The following DDX10 variants were observed in gnomAD, a reference collection of about 807,000 sequenced individuals.
DDX10 encodes the protein probable ATP-dependent RNA helicase DDX10.
DDX10 carries 74 observed loss-of-function variants against 104.3 expected under a neutral mutation model. That is an observed-to-expected ratio of 0.71 (90% CI 0.59 to 0.86). The LOEUF is 0.86. DDX10 is among the 40% of genes least tolerant of loss of function. The pLI is 0.00. For missense variants in DDX10, 952 were observed against 1,040.0 expected (o/e 0.92, Z 1.16); for synonymous variants, 351 against 353.4 (o/e 0.99, Z 0.08).
At chr11:108,671,885 C>T (rs2094217484) in intron 1 of DDX10, among the ~76,000 whole-genome samples, 1 of 151,722 alleles carries the variant, frequency 6.6e-6, no homozygotes, top group Admixed American at 6.6e-5. Context: ...CGATGAAACC[C>T]CGTCTCTACT....
intron 13 of DDX10, among the ~76,000 whole-genome samples, chr11:108,830,042 C>G (rs570538072): frequency 6.6e-6 from 1 of 152,160 alleles, no homozygotes; most frequent in Non-Finnish European, 1.5e-5. Context: ...TCTGGCCACA[C>G]AGGATCGTTT....
At chr11:108,728,049 GA>G (rs1336591570) in intron 13 of DDX10, among the ~76,000 whole-genome samples, 2 of 143,160 alleles carry the variant, frequency 1.4e-5, no homozygotes, top group Admixed American at 6.9e-5. Context: ...AATGAAAAAA[GA>G]AAAAAAAAAC....
At chr11:108,753,207 C>T (rs1232533908) in intron 13 of DDX10, among the ~76,000 whole-genome samples, 2 of 152,082 alleles carry the variant, frequency 1.3e-5, no homozygotes, top group African/African-American at 4.8e-5. Context: ...AAATTTATGT[C>T]TTAATCCTAA....
chr11:108,889,916 G>C (rs1863352995), intron 16 of DDX10, among the ~76,000 whole-genome samples: 1 of 152,162 alleles, frequency 6.6e-6, no homozygotes, highest in Non-Finnish European at 1.5e-5. Flanking sequence ...TTCTTTAATA[G>C]TTTTCAATAC....
At chr11:108,709,033 T>C (rs147256998) in intron 10 of DDX10, among the ~76,000 whole-genome samples, 1 of 152,372 alleles carries the variant, frequency 6.6e-6, no homozygotes, top group Non-Finnish European at 1.5e-5. Flanking sequence ...CATGGATCTG[T>C]GAACAAAGCC....
chr11:108,671,312 C>T (rs989971542), intron 1 of DDX10, among the ~76,000 whole-genome samples: 2 of 152,168 alleles, frequency 1.3e-5, no homozygotes, highest in East Asian at 1.9e-4. Context: ...TACAGGCGCA[C>T]GCCACTGCAT....
chr11:108,758,253 C>G (rs1022511768), intron 13 of DDX10, among the ~76,000 whole-genome samples: 29 of 152,020 alleles, frequency 1.9e-4, no homozygotes, highest in Non-Finnish European at 3.2e-4. Context: ...GGGTGTTTGA[C>G]AAATGCTTAT....
At chr11:108,679,108 T>G (rs968055981) in intron 5 of DDX10, among the ~76,000 whole-genome samples, 7 of 152,018 alleles carry the variant, frequency 4.6e-5, no homozygotes, top group Non-Finnish European at 8.8e-5. Flanking sequence ...CTGCCCACCT[T>G]GGCCTCCCAA....
chr11:108,935,776 G>A (rs1864029672), intron 17 of DDX10, among the ~76,000 whole-genome samples: 1 of 152,062 alleles, frequency 6.6e-6, no homozygotes, highest in Non-Finnish European at 1.5e-5. Context: ...ACAAGCTTTT[G>A]TGTATCCATT....
intron 13 of DDX10, among the ~76,000 whole-genome samples, chr11:108,837,574 T>TA (rs1862571695): frequency 6.7e-6 from 1 of 149,658 alleles, no homozygotes; most frequent in Non-Finnish European, 1.5e-5. Flanking sequence ...TACTTCCTGT[T>TA]AAGTGTTTTC....
intron 9 of DDX10, among the ~76,000 whole-genome samples, chr11:108,698,092 C>T (rs1188949050): frequency 2.6e-5 from 4 of 152,162 alleles, no homozygotes; most frequent in African/African-American, 9.7e-5. Flanking sequence ...GCATTGCACA[C>T]TCACTGGCAG....
chr11:108,885,032 C>G (rs576470670), intron 16 of DDX10, among the ~76,000 whole-genome samples: 4 of 151,870 alleles, frequency 2.6e-5, no homozygotes, highest in Non-Finnish European at 5.9e-5. Flanking sequence ...TGAGTCTTCC[C>G]CCTCCCTCCC....
intron 5 of DDX10, among the ~76,000 whole-genome samples, chr11:108,678,742 T>G (rs1327620850): frequency 1.4e-5 from 2 of 147,610 alleles, no homozygotes; most frequent in East Asian, 3.9e-4. Context: ...TTAAATGAAC[T>G]TTTTCTTTTT....
intron 16 of DDX10, among the ~76,000 whole-genome samples, chr11:108,904,339 T>C (rs1378545549): frequency 6.6e-6 from 1 of 152,212 alleles, no homozygotes; most frequent in Non-Finnish European, 1.5e-5. Context: ...GGCAAGATAC[T>C]CTGTCATGGT....
At chr11:108,739,502 A>G (rs2094322553) in intron 13 of DDX10, among the ~76,000 whole-genome samples, 2 of 152,196 alleles carry the variant, frequency 1.3e-5, no homozygotes, top group Admixed American at 6.5e-5. Flanking sequence ...GGTAAGGAAT[A>G]TATATTATTC....
intron 13 of DDX10, among the ~76,000 whole-genome samples, chr11:108,751,156 T>C (rs993242878): frequency 6.6e-6 from 1 of 151,898 alleles, no homozygotes; most frequent in African/African-American, 2.4e-5. Context: ...ATCTCTAGCA[T>C]TGTATTTTGA....
chr11:108,701,496 TAG>T (rs1056163673), intron 9 of DDX10, among the ~76,000 whole-genome samples: 3 of 152,158 alleles, frequency 2.0e-5, no homozygotes, highest in African/African-American at 7.2e-5. Context: ...GTCAGAGTTG[TAG>T]AGTTTTAGAT....
chr11:108,815,189 A>G (rs1416294878), intron 13 of DDX10, among the ~76,000 whole-genome samples: 1 of 152,234 alleles, frequency 6.6e-6, no homozygotes, highest in African/African-American at 2.4e-5. Context: ...TTTGGTTTAT[A>G]TACTCCTGGG....
chr11:108,675,664 G>T lies in DDX10; in HGVS notation c.316G>T (p.Gly106Cys). 2 of 1,614,190 alleles carry T rather than the reference G, an allele frequency of 1.2e-6. No homozygotes were observed. Among genetic ancestry groups the T allele is most frequent in the Non-Finnish European group, 8.5e-7 (1 of 1,180,028 alleles). The change falls in exon 3 of 18, where the codon GGT becomes TGT. Residue 106 changes from glycine to cysteine, a missense_variant. By Grantham distance (159) the Gly-to-Cys change is radical. This residue lies in a region of DDX10 where 412 missense variants were observed against 479.2 expected (regional missense o/e 0.86). Transcript: ENST00000322536. ...GCAGACCATTGGATTGGCTTTGCAA[G>T]GTAAAGATGTACTTGGAGCGGCCAA... ...QKQTIGLALQ[G>C]KDVLGAAKTG...
Sources: allele counts gnomAD v4.1 joint callset (sites outside exome capture counted in the v4.1 genomes callset), GRCh38; gene constraint gnomAD v4.1.1; regional missense constraint gnomAD v4.1.1; transcripts MANE v1.5; gene names NCBI Gene and HGNC (gene_info 2026-07-23, HGNC 2026-07-21).